Variants in TRAPPC9 observed in about 807,000 individuals in gnomAD.
The protein encoded by TRAPPC9 is IKK2 binding protein.
In TRAPPC9, 83 loss-of-function variants were observed where a neutral mutation model predicts 124.0. The observed-to-expected ratio is 0.67, with a 90% CI of 0.56 to 0.80. TRAPPC9 has a LOEUF of 0.80. TRAPPC9 is among the 30% of genes least tolerant of loss of function. The pLI is 0.00. For synonymous variants in TRAPPC9, 638 were observed against 617.5 expected (o/e 1.03, Z -0.49); for missense variants, 1,302 against 1,508.3 (o/e 0.86, Z 2.27).
intron 17 of TRAPPC9, among the ~76,000 whole-genome samples, chr8:140,062,013 C>T (rs1477794233): frequency 6.6e-6 from 1 of 152,206 alleles, no homozygotes; most frequent in Non-Finnish European, 1.5e-5. Context: ...CCCATTCCCT[C>T]GCAGGTGTGC....
At chr8:140,169,949 G>A (rs2061933270) in intron 17 of TRAPPC9, among the ~76,000 whole-genome samples, 2 of 152,054 alleles carry the variant, frequency 1.3e-5, no homozygotes, top group Non-Finnish European at 2.9e-5. Flanking sequence ...TGTTGCCTAG[G>A]GTGACCTCAA....
At position 140,457,696 on chromosome 8, in the gene TRAPPC9, G is replaced by T; in HGVS notation, c.-68C>A. The T allele has an allele frequency of 1.0e-6, 1 of 987,348 alleles. No individual in the cohort carries two copies. The allele number at this position is 987,348 out of a possible 1,614,324, so 61.2% of individuals were successfully genotyped here. A position where few individuals can be genotyped will look rare whatever the true frequency, so the allele number is the denominator to read the frequency against. On this transcript the variant is annotated 5_prime_UTR_variant, in exon 1 of 23. Transcript: ENST00000438773. ...CCACGACCTGGCGGGCAGCGGGGCCGAGCAGCCTCTGCGGCCACTTCCCAG... is the reference window on the plus strand; with the variant it reads ...CCACGACCTGGCGGGCAGCGGGGCCTAGCAGCCTCTGCGGCCACTTCCCAG...
At chr8:140,359,085 A>C (rs2132167518) in intron 9 of TRAPPC9, among the ~76,000 whole-genome samples, 1 of 152,280 alleles carries the variant, frequency 6.6e-6, no homozygotes, top group Middle Eastern at 3.4e-3. Context: ...CGGCCCCCTC[A>C]GAACAACATG....
At chr8:140,362,907 T>C (rs2068000947) in intron 8 of TRAPPC9, among the ~76,000 whole-genome samples, 1 of 152,186 alleles carries the variant, frequency 6.6e-6, no homozygotes, top group Non-Finnish European at 1.5e-5. Flanking sequence ...CGATTATGAG[T>C]AAGACCGAGT....
intron 4 of TRAPPC9, among the ~76,000 whole-genome samples, chr8:140,433,021 C>T (rs529053539): frequency 2.8e-4 from 42 of 151,632 alleles, no homozygotes; most frequent in Non-Finnish European, 4.6e-4. Context: ...ACAGCATAAT[C>T]GGCCAAGCAC....
chr8:140,215,079 G>A (rs376119040), intron 17 of TRAPPC9, among the ~76,000 whole-genome samples: 1 of 152,060 alleles, frequency 6.6e-6, no homozygotes, highest in Non-Finnish European at 1.5e-5. Context: ...CACAGCTCCC[G>A]CTCCGGTCCC....
chr8:140,247,385 CT>C (rs1395673461), intron 16 of TRAPPC9, among the ~76,000 whole-genome samples: 1 of 152,186 alleles, frequency 6.6e-6, no homozygotes, highest in Non-Finnish European at 1.5e-5. Flanking sequence ...TGGAATACTG[CT>C]GCTGTCAAAA....
At chr8:140,318,392 G>A (rs556796063) in intron 9 of TRAPPC9, among the ~76,000 whole-genome samples, 2 of 152,264 alleles carry the variant, frequency 1.3e-5, no homozygotes, top group East Asian at 3.9e-4. Flanking sequence ...TTTGAAATTT[G>A]TTCCTTTAGT....
chr8:139,989,001 C>T (rs1837450762), intron 18 of TRAPPC9, among the ~76,000 whole-genome samples, 165 bp from the exon 19 acceptor site: 2 of 152,170 alleles, frequency 1.3e-5, no homozygotes, highest in Admixed American at 6.5e-5. Flanking sequence ...GTTCTGAACA[C>T]GAGTGTGAAC....
intron 17 of TRAPPC9, among the ~76,000 whole-genome samples, chr8:140,105,082 C>T (rs772691717): frequency 4.6e-5 from 7 of 152,196 alleles, no homozygotes; most frequent in Non-Finnish European, 7.3e-5. Flanking sequence ...ATACACAGAC[C>T]TGGTCCATCC....
intron 19 of TRAPPC9, among the ~76,000 whole-genome samples, chr8:139,962,149 C>T (rs991864251): frequency 6.4e-5 from 8 of 124,316 alleles, no homozygotes; most frequent in South Asian, 2.7e-4. Context: ...CACTCAATGA[C>T]GCTCATCTTC....
Position 140,136,730 on chromosome 8 carries a change from G to C in TRAPPC9, c.2556+84729C>G, listed in dbSNP as rs142049331. Among the ~76,000 whole-genome samples the C allele has an allele frequency of 6.2e-4, 94 of 152,296 alleles. No individual in the cohort carries two copies. The East Asian group carries it at 0.014, about 23-fold the overall frequency. Reference sequence around the variant, plus strand: ...GTGAGTGCCTGTAATCCCAGCAACAGGGGAGGCTGACGCAGGAGAATCACT... The same window carrying C: ...GTGAGTGCCTGTAATCCCAGCAACACGGGAGGCTGACGCAGGAGAATCACT... On this transcript the variant is annotated intron_variant, in intron 17 of 22. Coordinates refer to ENST00000438773, the MANE Select transcript of TRAPPC9 (RefSeq NM_001160372.4).
chr8:139,867,263 G>A (rs1027433232), intron 21 of TRAPPC9, among the ~76,000 whole-genome samples: 4 of 152,180 alleles, frequency 2.6e-5, no homozygotes, highest in African/African-American at 9.7e-5. Flanking sequence ...GAATAATGAT[G>A]CAGACAGGTC....
At chr8:140,073,979 T>C (rs1050953687) in intron 17 of TRAPPC9, among the ~76,000 whole-genome samples, 2 of 152,074 alleles carry the variant, frequency 1.3e-5, no homozygotes, top group East Asian at 1.9e-4. Context: ...GTGAGGCAAG[T>C]CCATTGTCCA....
At chr8:139,990,027 G>A (rs1485763750) in intron 18 of TRAPPC9, among the ~76,000 whole-genome samples, 1 of 152,120 alleles carries the variant, frequency 6.6e-6, no homozygotes, top group Non-Finnish European at 1.5e-5. Context: ...GTTTTCATGG[G>A]GGGAGAAAAC....
At chr8:139,736,058 A>T (rs1286776255) in intron 21 of TRAPPC9, among the ~76,000 whole-genome samples, 1 of 152,178 alleles carries the variant, frequency 6.6e-6, no homozygotes, top group Non-Finnish European at 1.5e-5. Flanking sequence ...TGCCCCCTCC[A>T]TCTCATCTAT....
At chr8:140,094,694 C>T (rs571081194) in intron 17 of TRAPPC9, among the ~76,000 whole-genome samples, 48 of 152,308 alleles carry the variant, frequency 3.2e-4, no homozygotes, top group South Asian at 8.3e-4. Context: ...GCACTGGGCA[C>T]GGTGCCCTGG....
rs765656679 is a variant in TRAPPC9, at chr8:140,018,324, A to ATTTTTTCTTTTTTCTTTTTTTTTTTT, written c.2699+5612_2699+5613insAAAAAAAAAAAAGAAAAAAGAAAAAA. 2.8e-4 allele frequency among the ~76,000 whole-genome samples: 33 copies of ATTTTTTCTTTTTTCTTTTTTTTTTTT among 119,772 alleles called. 6 individuals are homozygous for ATTTTTTCTTTTTTCTTTTTTTTTTTT. Among genetic ancestry groups the ATTTTTTCTTTTTTCTTTTTTTTTTTT allele is most frequent in the African/African-American group, 1.0e-3 (32 of 30,682 alleles). The allele number at this position is 119,772 out of a possible 152,430, so 78.6% of individuals were successfully genotyped here. Reference sequence around the variant, plus strand: ...TTGCTGGTATATAGAAACGTAAGTGATTTTTTTTTTTTTTTTTGAGACGGA... The same window carrying ATTTTTTCTTTTTTCTTTTTTTTTTTT: ...TTGCTGGTATATAGAAACGTAAGTGATTTTTTCTTTTTTCTTTTTTTTTTTTTTTTTTTTTTTTTTTTTGAGACGGA... On this transcript the variant is annotated intron_variant, in intron 18 of 22. Coordinates refer to ENST00000438773, the MANE Select transcript of TRAPPC9 (RefSeq NM_001160372.4).
Position 139,947,924 on chromosome 8 carries a change from C to CGAGAGAGAGAGA in TRAPPC9, c.2811-37636_2811-37625dup, listed in dbSNP as rs59675753. On this transcript the variant is annotated intron_variant, in intron 19 of 22. Transcript: ENST00000438773. ...TATATATATAGAGAGAGAGAGAGAG[C>CGAGAGAGAGAGA]GAGAGAGAGAGAGAGAGAGAGTATA... Among the ~76,000 whole-genome samples the CGAGAGAGAGAGA allele has an allele frequency of 3.5e-3, 295 of 83,474 alleles. 18 individuals are homozygous for CGAGAGAGAGAGA. Among genetic ancestry groups the CGAGAGAGAGAGA allele is most frequent in the African/African-American group, 7.6e-3 (149 of 19,670 alleles). 54.8% of individuals were successfully genotyped at this position (83,474 alleles called of 152,430 possible).
Sources: allele counts gnomAD v4.1 joint callset (sites outside exome capture counted in the v4.1 genomes callset), GRCh38; gene constraint gnomAD v4.1.1; transcripts MANE v1.5; gene names NCBI Gene and HGNC (gene_info 2026-07-23, HGNC 2026-07-21).